Variants in TMEM53 observed in about 807,000 individuals in gnomAD.
The protein encoded by TMEM53 is novel DUF829 domain-containing protein.
Under a neutral mutation model 21.4 loss-of-function variants are expected in TMEM53, and 14 were observed. That is an observed-to-expected ratio of 0.65 (90% confidence interval 0.43 to 1.02). The LOEUF (loss-of-function observed/expected upper bound fraction) is 1.02, where lower values mean the gene tolerates loss of function less well. Among genes scored for constraint, TMEM53 ranks in the 50% least tolerant of loss-of-function variants. The pLI, the probability that TMEM53 is intolerant of heterozygous loss-of-function variation, is 0.00. For missense variants in TMEM53, 323 were observed against 383.6 expected, an observed-to-expected ratio of 0.84 and a Z score of 1.32; for synonymous variants, 148 against 157.4, an observed-to-expected ratio of 0.94 and a Z score of 0.45.
chr1:44,668,643 G>T (rs1644970477), intron 1 of TMEM53, among the ~76,000 whole-genome samples: 1 of 151,986 alleles, frequency 6.6e-6, no homozygotes, highest in African/African-American at 2.4e-5. Flanking sequence ...TTGGGCTCAG[G>T]TAATCCTCCT....
intron 1 of TMEM53, among the ~76,000 whole-genome samples, chr1:44,666,727 G>C (rs1644951461): frequency 6.6e-6 from 1 of 152,150 alleles, no homozygotes; most frequent in African/African-American, 2.4e-5. Flanking sequence ...AGGGAATGGA[G>C]AGTGACTACT....
intron 1 of TMEM53, among the ~76,000 whole-genome samples, chr1:44,672,889 C>G (rs544480964): frequency 6.6e-6 from 1 of 152,146 alleles, no homozygotes; most frequent in Non-Finnish European, 1.5e-5. Context: ...CGCAATCCCA[C>G]GAGGAGGTAG....
intron 1 of TMEM53, 71 bp from the exon 2 acceptor site, chr1:44,660,366 C>A: frequency 6.5e-7 from 1 of 1,536,132 alleles, no homozygotes; most frequent in Non-Finnish European, 8.8e-7. Flanking sequence ...AATCCAGAGT[C>A]AGCAGCACTC....
At chr1:44,668,474 A>G (rs1211486578) in intron 1 of TMEM53, among the ~76,000 whole-genome samples, 1 of 152,116 alleles carries the variant, frequency 6.6e-6, no homozygotes, top group Non-Finnish European at 1.5e-5. Context: ...AAAAATTGAA[A>G]GAGTCTTAAT....
At chr1:44,672,769 T>TAA (rs1645014757) in intron 1 of TMEM53, among the ~76,000 whole-genome samples, 1 of 102,818 alleles carries the variant, frequency 9.7e-6, no homozygotes, top group Non-Finnish European at 2.0e-5. Context: ...ACTCCATCTC[T>TAA]TAAAAAAAAA....
chr1:44,662,976 C>T (rs936113635), intron 1 of TMEM53, among the ~76,000 whole-genome samples: 1 of 152,174 alleles, frequency 6.6e-6, no homozygotes, highest in Non-Finnish European at 1.5e-5. Context: ...TCCATGAAGG[C>T]GAAGAAACCC....
rs184489800 is a variant in TMEM53 at position 44,655,527 on chromosome 1, G to A, written c.184-318C>T. ...ACTGGAGACACCTGGGCTGACCAGA[G>A]GAAGTCTCTTTACTCTGGTTCCCTC... On this transcript the variant is annotated intron_variant, in intron 2 of 2. Coordinates refer to ENST00000372237, the MANE Select transcript of TMEM53 (RefSeq NM_024587.4). This position sits in a 1 kb window ranked among gnomAD's most constrained non-coding sequence, Gnocchi z 4.4. Among the ~76,000 whole-genome samples the A allele has an allele frequency of 6.6e-6, 1 of 152,296 alleles. No individual in the cohort carries two copies.
intron 1 of TMEM53, among the ~76,000 whole-genome samples, chr1:44,665,596 T>C (rs1007623532): frequency 3.3e-5 from 5 of 150,270 alleles, no homozygotes; most frequent in Non-Finnish European, 7.4e-5. Context: ...GATTGCACCA[T>C]TGCACTCCAG....
chr1:44,657,842 G>A (rs1486285354), intron 2 of TMEM53, among the ~76,000 whole-genome samples: 1 of 151,344 alleles, frequency 6.6e-6, no homozygotes, highest in Non-Finnish European at 1.5e-5. Flanking sequence ...CATCCACCTT[G>A]TTTTCTTTTA....
chr1:44,655,011 G>A lies in TMEM53; in HGVS notation c.382C>T (p.Gln128Ter), dbSNP rs1644835890. The A allele has an allele frequency of 6.2e-7, 1 of 1,614,008 alleles. No individual in the cohort carries two copies. The highest frequency in any genetic ancestry group is 8.5e-7 in the Non-Finnish European group (1 of 1,179,892). The part of the protein sequence containing the change: ...MLYRYVLELL[Q>*]TRRFCRLRVV... ...CGCAGGCGGCAGAAGCGACGGGTCT[G>A]CAGGAGCTCCAGCACGTAGCGGTAC... Residue 128 changes from glutamine to a stop codon, truncating the protein, a stop_gained, in exon 3 of 3, where the codon CAG (glutamine) becomes TAG (stop). Coordinates refer to ENST00000372237, the MANE Select transcript of TMEM53 (RefSeq NM_024587.4). LOFTEE classifies it high-confidence loss of function. The surrounding 1 kb of genome is among the most constrained non-coding windows in gnomAD (Gnocchi z 4.4).
intron 1 of TMEM53, among the ~76,000 whole-genome samples, chr1:44,667,197 T>C (rs1644955787): frequency 6.6e-6 from 1 of 152,032 alleles, no homozygotes; most frequent in African/African-American, 2.4e-5. Flanking sequence ...TTCTCAATAA[T>C]GTTATTATTT....
intron 1 of TMEM53, chr1:44,674,123 G>T (rs1645053069): frequency 1.0e-6 from 1 of 983,526 alleles, no homozygotes; most frequent in African/African-American, 1.7e-5. Flanking sequence ...GGGCAGAGGC[G>T]GGGCTCGCCA....
intron 1 of TMEM53, among the ~76,000 whole-genome samples, chr1:44,665,744 C>T (rs1573229600): frequency 6.6e-6 from 1 of 151,366 alleles, no homozygotes; most frequent in Middle Eastern, 3.4e-3. Context: ...AGATCATAGA[C>T]ATAAATGTAA....
intron 1 of TMEM53, among the ~76,000 whole-genome samples, chr1:44,663,234 TTTG>T (rs202108047): frequency 1.1e-4 from 17 of 151,790 alleles, no homozygotes; most frequent in South Asian, 4.2e-4. Context: ...TAAAAACACT[TTTG>T]TTGTTGTTGT....
Position 44,666,948 on chromosome 1 carries a change from G to A in TMEM53, c.62-6653C>T, listed in dbSNP as rs117011580. On this transcript the variant is annotated intron_variant, in intron 1 of 2. Coordinates refer to ENST00000372237, the MANE Select transcript of TMEM53 (RefSeq NM_024587.4). Reference sequence around the variant, plus strand: ...CAGTCTCAACCTCCCAGGCTCAAGCGATCCTCCCATCACAGCCTCCTGAGT... The same window carrying A: ...CAGTCTCAACCTCCCAGGCTCAAGCAATCCTCCCATCACAGCCTCCTGAGT... 1.0e-3 allele frequency among the ~76,000 whole-genome samples: 157 copies of A among 151,886 alleles called. 6 individuals carry two copies. In the East Asian group the frequency reaches 0.029, roughly 28 times the overall value.
At chr1:44,674,136 G>A (rs969604254) in intron 1 of TMEM53, 195 bp downstream of exon 1, 51 of 985,278 alleles carry the variant, frequency 5.2e-5, no homozygotes, top group Non-Finnish European at 5.4e-5. Flanking sequence ...GCTCGCCAGG[G>A]AGGAACACTC....
At chr1:44,660,437 A>T in intron 1 of TMEM53, 142 bp from the exon 2 acceptor site, 3 of 1,190,648 alleles carry the variant, frequency 2.5e-6, no homozygotes, top group Non-Finnish European at 2.3e-6. Context: ...GCACGCATGC[A>T]CCAGTTCCCA....
Position 44,653,770 on chromosome 1 carries a change from C to A in TMEM53, c.*789G>T, listed in dbSNP as rs558120211. On this transcript the variant is annotated 3_prime_UTR_variant, in exon 3 of 3. Transcript: ENST00000372237. ...CCTGACGCTACCCCTGACCGATATA[C>A]CTTCCCTCTGGCATCTCCCCACAAA... 1 of 152,392 alleles carries A rather than the reference C, an allele frequency of 6.6e-6. No homozygotes were observed. The highest frequency in any genetic ancestry group is 2.1e-4 in the South Asian group (1 of 4,830). 9.4% of individuals were successfully genotyped at this position (152,392 alleles called of 1,614,324 possible).
In TMEM53 at chr1:44,674,420, C is replaced by T. The variant is rs1257772711; in HGVS notation, c.-29G>A. ...GAAGGCGCCGGCCCAGAGCACGGGTCTCCAGCCGGAACTCCCGCTTGCGCA... is the reference window on the plus strand; with the variant it reads ...GAAGGCGCCGGCCCAGAGCACGGGTTTCCAGCCGGAACTCCCGCTTGCGCA... On this transcript the variant is annotated 5_prime_UTR_variant, in exon 1 of 3. Transcript: ENST00000372237. 10 of 1,595,274 alleles carry T rather than the reference C, an allele frequency of 6.3e-6. No homozygotes were observed. The highest frequency in any genetic ancestry group is 7.7e-6 in the Non-Finnish European group (9 of 1,171,768).
Sources: gnomAD v4.1 joint callset for allele counts (sites outside exome capture counted in the v4.1 genomes callset) on GRCh38, gnomAD v4.1.1 for gene constraint, Gnocchi (gnomAD v3.1) non-coding constraint, MANE v1.5 for transcripts, NCBI Gene and HGNC (gene_info 2026-07-23, HGNC 2026-07-21) for gene names.